Variants in GABRG2 observed in about 807,000 individuals in gnomAD.
GABRG2 encodes the protein gamma-aminobutyric acid type A receptor subunit gamma2, also known as gamma-aminobutyric acid receptor subunit gamma-2.
GABRG2 carries 16 observed loss-of-function variants against 56.4 expected under a neutral mutation model. The observed-to-expected ratio is 0.28, with a 90% CI of 0.19 to 0.43. The LOEUF (loss-of-function observed/expected upper bound fraction) is 0.43. GABRG2 is among the 20% of genes least tolerant of loss of function. The pLI is 1.00. For missense variants in GABRG2, 327 were observed against 582.7 expected (o/e 0.56, Z 4.52); for synonymous variants, 208 against 205.5 (o/e 1.01, Z -0.10).
chr5:162,119,621 C>T (rs1394349742), intron 6 of GABRG2, among the ~76,000 whole-genome samples: 2 of 152,014 alleles, frequency 1.3e-5, no homozygotes, highest in African/African-American at 2.4e-5. Context: ...TGACAATGAT[C>T]GAGATGTAAC....
rs1434865071 is a variant in GABRG2 at position 162,155,207 on chromosome 5, A to G, written c.*1839A>G. Reference sequence around the variant, plus strand: ...TTAATATATCAGTGCTCCAGTATATAACCTCAAACAAATGTAAATAGAACG... The same window carrying G: ...TTAATATATCAGTGCTCCAGTATATGACCTCAAACAAATGTAAATAGAACG... On this transcript the variant is annotated 3_prime_UTR_variant, in exon 10 of 10. Coordinates refer to ENST00000639213, the MANE Select transcript of GABRG2 (RefSeq NM_198904.4). 1 of 152,584 alleles carries G rather than the reference A, an allele frequency of 6.6e-6. No homozygotes were observed. Among genetic ancestry groups the G allele is most frequent in the Non-Finnish European group, 1.5e-5 (1 of 68,026 alleles). The allele number at this position is 152,584 out of a possible 1,614,324, so 9.5% of individuals were successfully genotyped here.
intron 6 of GABRG2, among the ~76,000 whole-genome samples, chr5:162,106,658 C>T (rs535858155): frequency 2.6e-4 from 39 of 152,160 alleles, no homozygotes; most frequent in African/African-American, 9.4e-4. Context: ...AATGTATCTC[C>T]CTTTAAGATG....
chr5:162,095,418 A>C, intron 2 of GABRG2, 77 bp from the exon 3 acceptor site: 2 of 870,342 alleles, frequency 2.3e-6, no homozygotes, highest in Non-Finnish European at 3.8e-6. Context: ...AAATAAATCT[A>C]TTCTAGAAAA....
At chr5:162,080,752 C>A (rs1056039220) in intron 1 of GABRG2, among the ~76,000 whole-genome samples, 3 of 152,048 alleles carry the variant, frequency 2.0e-5, no homozygotes, top group African/African-American at 7.2e-5. Context: ...CAAGTGCTGA[C>A]TTTTAGCTTC....
At chr5:162,107,155 T>C (rs1761897865) in intron 6 of GABRG2, among the ~76,000 whole-genome samples, 1 of 152,120 alleles carries the variant, frequency 6.6e-6, no homozygotes, top group Non-Finnish European at 1.5e-5. Flanking sequence ...GGCTTCCAAC[T>C]CCATCCATGT....
chr5:162,097,938 G>C (rs878983417), intron 4 of GABRG2, 80 bp downstream of exon 4: 13 of 865,572 alleles, frequency 1.5e-5, no homozygotes, highest in Non-Finnish European at 2.0e-5. Context: ...GTCTCTAAAA[G>C]AAAAAAAAAA....
chr5:162,085,620 C>T (rs752673857), intron 1 of GABRG2, among the ~76,000 whole-genome samples: 2 of 131,994 alleles, frequency 1.5e-5, no homozygotes, highest in Admixed American at 8.2e-5. Context: ...ATGCAGGTTT[C>T]TTATATAGGT....
chr5:162,137,623 A>G (rs1764230945), intron 6 of GABRG2, among the ~76,000 whole-genome samples: 1 of 151,882 alleles, frequency 6.6e-6, no homozygotes, highest in Non-Finnish European at 1.5e-5. Context: ...TTAGCCTTTG[A>G]ATTCTTATTT....
At chr5:162,107,658 C>T (rs1345905268) in intron 6 of GABRG2, among the ~76,000 whole-genome samples, 3 of 152,128 alleles carry the variant, frequency 2.0e-5, no homozygotes, top group Non-Finnish European at 4.4e-5. Context: ...AATTCATTGT[C>T]AATATGCTAG....
intron 3 of GABRG2, 148 bp downstream of exon 3, chr5:162,095,710 T>G: frequency 1.6e-6 from 1 of 643,478 alleles, no homozygotes; most frequent in Non-Finnish European, 2.8e-6. Context: ...CCTTTTTTTC[T>G]TGTAATATGA....
At chr5:162,098,153 C>G in intron 4 of GABRG2, 1 of 425,428 alleles carries the variant, frequency 2.4e-6, no homozygotes, top group Middle Eastern at 7.2e-4. Context: ...ATCATCTGAC[C>G]TTTGCACCTA....
chr5:162,112,323 A>G (rs1205547452), intron 6 of GABRG2, among the ~76,000 whole-genome samples: 1 of 152,080 alleles, frequency 6.6e-6, no homozygotes, highest in Non-Finnish European at 1.5e-5. Flanking sequence ...ATTTTGCTAC[A>G]TTTAAGAGAC....
At chr5:162,127,398 A>C (rs1394088270) in intron 6 of GABRG2, among the ~76,000 whole-genome samples, 1 of 151,924 alleles carries the variant, frequency 6.6e-6, no homozygotes. Flanking sequence ...CTAATCACCT[A>C]TATGGTATGC....
At chr5:162,130,104 G>A (rs924951185) in intron 6 of GABRG2, among the ~76,000 whole-genome samples, 10 of 152,028 alleles carry the variant, frequency 6.6e-5, no homozygotes, top group African/African-American at 2.4e-4. Context: ...AAAGTGTACA[G>A]AGGTTTTAAA....
chr5:162,085,571 CT>C (rs1261726164), intron 1 of GABRG2, among the ~76,000 whole-genome samples: 47 of 125,310 alleles, frequency 3.8e-4, no homozygotes, highest in South Asian at 1.0e-3. Context: ...TTTTTTTTTA[CT>C]TTTTTTTTTT....
At chr5:162,076,211 A>G (rs920852734) in intron 1 of GABRG2, among the ~76,000 whole-genome samples, 13 of 152,110 alleles carry the variant, frequency 8.5e-5, no homozygotes, top group African/African-American at 2.7e-4. Context: ...TTGATATAAT[A>G]CATATTAAGG....
chr5:162,091,393 T>C (rs147424375), intron 1 of GABRG2, among the ~76,000 whole-genome samples: 10 of 152,260 alleles, frequency 6.6e-5, no homozygotes, highest in African/African-American at 1.9e-4. Flanking sequence ...TGTTAGGCAC[T>C]GTGCTAAGCA....
intron 7 of GABRG2, among the ~76,000 whole-genome samples, chr5:162,146,219 A>G (rs1374772814): frequency 6.6e-6 from 1 of 151,890 alleles, no homozygotes. Context: ...CATGCCACAT[A>G]TTTTTCATGT....
intron 6 of GABRG2, among the ~76,000 whole-genome samples, chr5:162,131,648 A>G (rs944465673): frequency 1.1e-4 from 17 of 152,166 alleles, no homozygotes; most frequent in South Asian, 4.1e-4. Context: ...AATTATTTAT[A>G]AAGACTAAAC....
Sources: gnomAD v4.1 joint callset for allele counts (sites outside exome capture counted in the v4.1 genomes callset) on GRCh38, gnomAD v4.1.1 for gene constraint, MANE v1.5 for transcripts, NCBI Gene and HGNC (gene_info 2026-07-23, HGNC 2026-07-21) for gene names.